The following GAS2 variants were observed in gnomAD, a reference collection of about 807,000 sequenced individuals.
The protein encoded by GAS2 is growth arrest specific 2.
Under a neutral mutation model 37.5 loss-of-function variants are expected in GAS2, and 20 were observed. That is an observed-to-expected ratio of 0.53 (90% confidence interval 0.37 to 0.77). The LOEUF is 0.77. GAS2 is among the 30% of genes least tolerant of loss of function. The pLI, the probability that GAS2 is intolerant of heterozygous loss-of-function variation, is 0.00. For missense variants in GAS2, 336 were observed against 373.4 expected (o/e 0.90, Z 0.82); for synonymous variants, 144 against 132.2 (o/e 1.09, Z -0.61).
At chr11:22,798,875 T>C (rs554018756) in intron 7 of GAS2, among the ~76,000 whole-genome samples, 25 of 152,206 alleles carry the variant, frequency 1.6e-4, no homozygotes, top group Middle Eastern at 3.4e-3. Context: ...CTCAGGGAGA[T>C]AGCTGAATTC....
At chr11:22,640,338 G>T (rs906154088) in intron 1 of GAS2, among the ~76,000 whole-genome samples, 1 of 152,174 alleles carries the variant, frequency 6.6e-6, no homozygotes, top group Non-Finnish European at 1.5e-5. Flanking sequence ...TGAAATTTGT[G>T]ATATGGAAAA....
chr11:22,803,519 G>C (rs1172114716), intron 7 of GAS2, among the ~76,000 whole-genome samples: 1 of 152,070 alleles, frequency 6.6e-6, no homozygotes, highest in East Asian at 1.9e-4. Flanking sequence ...CAGAATATGT[G>C]GGTATGTTTT....
chr11:22,745,959 C>G (rs1304591710), intron 5 of GAS2, among the ~76,000 whole-genome samples: 2 of 152,100 alleles, frequency 1.3e-5, no homozygotes, highest in African/African-American at 4.8e-5. Flanking sequence ...CACTGGACCC[C>G]AGTTTGAGAC....
chr11:22,630,932 G>A (rs1858737419), intron 1 of GAS2, among the ~76,000 whole-genome samples: 1 of 152,108 alleles, frequency 6.6e-6, no homozygotes, highest in African/African-American at 2.4e-5. Context: ...ATTGCTTTGG[G>A]CAGTATGGTC....
chr11:22,699,579 TA>T (rs955863592), intron 3 of GAS2, among the ~76,000 whole-genome samples: 5 of 152,128 alleles, frequency 3.3e-5, no homozygotes, highest in African/African-American at 1.2e-4. Flanking sequence ...TTAGGGTGAA[TA>T]ATTTCAGACA....
chr11:22,743,190 A>G (rs966915842), intron 5 of GAS2, among the ~76,000 whole-genome samples: 1 of 152,134 alleles, frequency 6.6e-6, no homozygotes, highest in African/African-American at 2.4e-5. Flanking sequence ...AATTCTAGGG[A>G]AATTTATTTA....
chr11:22,808,148 C>T (rs191251222), intron 7 of GAS2, among the ~76,000 whole-genome samples: 347 of 152,198 alleles, frequency 2.3e-3, no homozygotes, highest in African/African-American at 7.6e-3. Flanking sequence ...TATATCCCTC[C>T]GCCTCACAAT....
Position 22,666,906 on chromosome 11 carries a change from A to C in GAS2, c.-21+7A>C, listed in dbSNP as rs1181144616. On this transcript the variant is annotated splice_region_variant and intron_variant, in intron 1 of 7. Transcript: ENST00000454584. ...CCCAGCTCGGGACGCGGGGGTGAGC[A>C]CGACTGGCTGGCCCAGTTCTGCGCC... 6.6e-6 allele frequency: 1 copy of C among 152,272 alleles called. No homozygotes were observed. 9.4% of individuals were successfully genotyped at this position (152,272 alleles called of 1,614,324 possible). A position where few individuals can be genotyped will look rare whatever the true frequency, so the allele number is the denominator to read the frequency against.
chr11:22,690,331 T>C (rs1055887906), intron 3 of GAS2, among the ~76,000 whole-genome samples: 3 of 152,206 alleles, frequency 2.0e-5, no homozygotes, highest in African/African-American at 7.2e-5. Context: ...GATAAAATAC[T>C]CTGAATGGAA....
At chr11:22,677,511 G>C (rs1051749766) in intron 2 of GAS2, among the ~76,000 whole-genome samples, 1 of 152,190 alleles carries the variant, frequency 6.6e-6, no homozygotes, top group Admixed American at 6.5e-5. Flanking sequence ...CAGAGGAAGA[G>C]TATGATTAAT....
intron 7 of GAS2, among the ~76,000 whole-genome samples, chr11:22,759,741 A>G (rs1197668131): frequency 2.0e-5 from 3 of 152,222 alleles, no homozygotes; most frequent in Non-Finnish European, 4.4e-5. Context: ...CCATTCAACC[A>G]TAATACGTAT....
intron 3 of GAS2, among the ~76,000 whole-genome samples, chr11:22,725,469 C>T (rs1460355365): frequency 6.6e-6 from 1 of 152,122 alleles, no homozygotes; most frequent in East Asian, 1.9e-4. Context: ...CACTCTGTCA[C>T]CTGAGTTGAA....
intron 1 of GAS2, among the ~76,000 whole-genome samples, chr11:22,644,695 A>T (rs939964425): frequency 8.9e-5 from 2 of 22,542 alleles, no homozygotes; most frequent in Non-Finnish European, 1.1e-3. Context: ...ATCTCAGCTA[A>T]CTGCAACCCT....
At chr11:22,643,090 G>A (rs1848648987) in intron 1 of GAS2, among the ~76,000 whole-genome samples, 1 of 151,698 alleles carries the variant, frequency 6.6e-6, no homozygotes, top group African/African-American at 2.4e-5. Flanking sequence ...ATATAATAAA[G>A]TTCAAATAAA....
chr11:22,731,888 A>G (rs959736), intron 4 of GAS2, among the ~76,000 whole-genome samples: 55,426 of 151,414 alleles, frequency 0.37, 10,288 homozygotes, highest in East Asian at 0.62. Flanking sequence ...TAGACTTTTT[A>G]TTTTTTAACA....
rs149151186 is a variant in GAS2, at chr11:22,641,004, A to G, written c.-21+15191A>G. 3.6e-3 allele frequency among the ~76,000 whole-genome samples: 541 copies of G among 151,360 alleles called. 1 individual carries two copies. Among genetic ancestry groups the G allele is most frequent in the Non-Finnish European group, 5.7e-3 (386 of 67,878 alleles). ...CCTCTTAACTTCATCTGTTTCTTCC[A>G]TTTTTCCCCCTCCTCTGCGCAGAGG... is the stretch of plus-strand genomic sequence containing the variant. On this transcript the variant is annotated intron_variant, in intron 1 of 5. Transcript: ENST00000528582.
At chr11:22,668,604 T>C (rs1849081649) in intron 1 of GAS2, among the ~76,000 whole-genome samples, 1 of 152,236 alleles carries the variant, frequency 6.6e-6, no homozygotes, top group Non-Finnish European at 1.5e-5. Flanking sequence ...TGGAATTTTT[T>C]AGCATCTTGG....
intron 3 of GAS2, among the ~76,000 whole-genome samples, chr11:22,703,087 A>G (rs1023549111): frequency 6.6e-6 from 1 of 152,184 alleles, no homozygotes; most frequent in Non-Finnish European, 1.5e-5. Flanking sequence ...AATTCTGGAT[A>G]GAAAAAGGGA....
At chr11:22,773,535 A>C (rs1316509180) in intron 7 of GAS2, among the ~76,000 whole-genome samples, 1 of 151,514 alleles carries the variant, frequency 6.6e-6, no homozygotes, top group Non-Finnish European at 1.5e-5. Context: ...GTGGGACTGC[A>C]GGCGCCCGCC....
Sources: allele counts gnomAD v4.1 joint callset (sites outside exome capture counted in the v4.1 genomes callset), GRCh38; gene constraint gnomAD v4.1.1; transcripts MANE v1.5; gene names NCBI Gene and HGNC (gene_info 2026-07-23, HGNC 2026-07-21).